GUCY2F: variants seen among roughly 807,000 people sequenced by gnomAD.
The protein encoded by GUCY2F is retinal guanylyl cyclase 2.
GUCY2F carries 61 observed loss-of-function variants against 73.1 expected under a neutral mutation model. The observed-to-expected ratio is 0.83, with a 90% confidence interval of 0.68 to 1.03. The LOEUF is 1.03. Ranked by LOEUF, GUCY2F falls within the 50% of genes least tolerant of loss-of-function variation. The pLI is 0.00. For synonymous variants in GUCY2F, 331 were observed against 307.8 expected (o/e 1.08, Z -0.79); for missense variants, 912 against 854.3 (o/e 1.07, Z -0.84).
intron 8 of GUCY2F, among the ~76,000 whole-genome samples, chrX:109,417,595 A>G (rs1014488788): frequency 2.7e-5 from 3 of 111,480 alleles, no homozygotes; most frequent in African/African-American, 6.5e-5. Flanking sequence ...GACATAGATG[A>G]GTCAAATAGA....
At chrX:109,397,881 C>G (rs1392570378) in intron 11 of GUCY2F, among the ~76,000 whole-genome samples, 2 of 109,289 alleles carry the variant, frequency 1.8e-5, no homozygotes, top group Non-Finnish European at 3.8e-5. Context: ...ACATTATGCC[C>G]TTCTTAGTGT....
At chrX:109,393,928 A>T (rs1930636231) in intron 12 of GUCY2F, among the ~76,000 whole-genome samples, 1 of 112,100 alleles carries the variant, frequency 8.9e-6, no homozygotes. Context: ...TGGGCCACAC[A>T]TGCTCCACCT....
At chrX:109,479,959 A>G (rs1468304922) in intron 1 of GUCY2F, among the ~76,000 whole-genome samples, 1 of 111,955 alleles carries the variant, frequency 8.9e-6, no homozygotes, top group Non-Finnish European at 1.9e-5. Context: ...CAGGAGGGAG[A>G]AAACCAAGTT....
At chrX:109,465,052 C>T in intron 3 of GUCY2F, 90 bp downstream of exon 3, 1 of 653,252 alleles carries the variant, frequency 1.5e-6, no homozygotes, top group Non-Finnish European at 2.4e-6. Flanking sequence ...ACTGGGCCTC[C>T]TATGGAATTG....
chrX:109,453,680 T>C lies in GUCY2F; in HGVS notation c.1212A>G (p.Ser404=). The C allele has an allele frequency of 8.3e-7, 1 of 1,206,312 alleles. No individual in the cohort carries two copies. The highest frequency in any genetic ancestry group is 1.1e-6 in the Non-Finnish European group (1 of 890,526). The part of the protein sequence containing the change: ...MRTDSNGNGI[S]EYVILDTNLK... Reference sequence around the variant, plus strand: ...AGTTGGTGTCCAGGATTACATATTCTGAAATTCCATTTCCATTTGAATCTG... The same window carrying C: ...AGTTGGTGTCCAGGATTACATATTCCGAAATTCCATTTCCATTTGAATCTG... The change falls in exon 4 of 20, where the codon TCA becomes TCG. Residue 404 remains serine (S), a synonymous_variant. Coordinates refer to ENST00000218006, the MANE Select transcript of GUCY2F (RefSeq NM_001522.3).
intron 8 of GUCY2F, among the ~76,000 whole-genome samples, chrX:109,425,335 TTGTGTG>T (rs755304809): frequency 9.1e-4 from 89 of 98,198 alleles, no homozygotes; most frequent in Middle Eastern, 5.2e-3. Flanking sequence ...AAAGAAATTG[TTGTGTG>T]TGTGTGTGTG....
intron 2 of GUCY2F, among the ~76,000 whole-genome samples, chrX:109,468,223 C>A (rs1932508736): frequency 1.8e-5 from 2 of 112,282 alleles, no homozygotes; most frequent in Non-Finnish European, 3.8e-5. Context: ...CCCCACCTTA[C>A]CCTGAGATAA....
At chrX:109,431,582 T>C (rs189050606) in intron 7 of GUCY2F, among the ~76,000 whole-genome samples, 9 of 108,993 alleles carry the variant, frequency 8.3e-5, no homozygotes, top group African/African-American at 1.3e-4. Context: ...GCCTGTAGTC[T>C]CAGCTACTCA....
rs1170596477 is a variant in GUCY2F, at chrX:109,475,547, G to C, written c.390C>G (p.Gly130=). 8.3e-7 allele frequency: 1 copy of C among 1,209,169 alleles called. No homozygotes were observed. The highest frequency in any genetic ancestry group is 1.1e-6 in the Non-Finnish European group (1 of 894,468). The change falls in exon 2 of 20, where the codon GGC becomes GGG. Residue 130 remains glycine (G), a synonymous_variant. Coordinates refer to ENST00000218006, the MANE Select transcript of GUCY2F (RefSeq NM_001522.3). ...ASGFIGPTNP[G]YCEAASLLGN... is the part of the protein sequence containing the mutation. ...CCAGGAGCGAGGCTGCCTCGCAGTA[G>C]CCAGGGTTGGTAGGTCCAATAAATC...
chrX:109,469,609 A>G (rs921624825), intron 2 of GUCY2F, among the ~76,000 whole-genome samples: 4 of 110,634 alleles, frequency 3.6e-5, no homozygotes, highest in African/African-American at 9.9e-5. Flanking sequence ...TGCCACTGTC[A>G]TTCATTTGAA....
chrX:109,409,031 G>T lies in GUCY2F; in HGVS notation c.1929C>A (p.Asp643Glu). ...DILTNQDVKL[D>E]WMFKSSLLLD... Reference sequence around the variant, plus strand: ...GCAAGAGTGATGATTTAAACATCCAGTCAAGTTTCACATCTTGATTTGTCA... The same window carrying T: ...GCAAGAGTGATGATTTAAACATCCATTCAAGTTTCACATCTTGATTTGTCA... Residue 643 changes from aspartate (D) to glutamate (E), a missense_variant, in exon 9 of 20, where the codon GAC (aspartate) becomes GAA (glutamate). Asp to Glu is a conservative substitution (Grantham distance 45, BLOSUM62 2). Transcript: ENST00000218006. The T allele has an allele frequency of 8.7e-7, 1 of 1,148,188 alleles. No individual in the cohort carries two copies. Among genetic ancestry groups the T allele is most frequent in the Non-Finnish European group, 1.2e-6 (1 of 837,553 alleles). 94.6% of individuals were successfully genotyped at this position (1,148,188 alleles called of 1,213,427 possible).
chrX:109,470,862 A>T (rs1277669589), intron 2 of GUCY2F, among the ~76,000 whole-genome samples: 1 of 111,693 alleles, frequency 9.0e-6, no homozygotes, highest in East Asian at 2.8e-4. Flanking sequence ...GTTGTATGAC[A>T]TTGGGTAAGT....
At position 109,465,459 on chromosome X, in the gene GUCY2F, C is replaced by A. The variant is rs774044667; in HGVS notation, c.731-16G>T. ...ATGATGATTACTGAAACCAACAAAG[C>A]AAGGAGGTTATGGAAGCAAACTGTT... On this transcript the variant is annotated splice_polypyrimidine_tract_variant and intron_variant, in intron 2 of 19. Coordinates refer to ENST00000218006, the MANE Select transcript of GUCY2F (RefSeq NM_001522.3). The A allele has an allele frequency of 1.7e-6, 2 of 1,157,448 alleles. No individual in the cohort carries two copies. The highest frequency in any genetic ancestry group is 3.0e-5 in the East Asian group (1 of 33,540).
chrX:109,385,139 T>C (rs377648564), intron 16 of GUCY2F, 45 bp downstream of exon 16: 36 of 630,555 alleles, frequency 5.7e-5, no homozygotes, highest in Non-Finnish European at 9.3e-5. Context: ...ACCTTCTCAA[T>C]AGCAGAGTGG....
chrX:109,444,778 T>C lies in GUCY2F; in HGVS notation c.1569+3291A>G, dbSNP rs774708862. ...ACAAAACGCAACTACTACTGAGTTA[T>C]AGCCGATTGTCATGATGAGATCCAA... On this transcript the variant is annotated intron_variant, in intron 6 of 19. Transcript: ENST00000218006. Among the ~76,000 whole-genome samples, 7 of 112,208 alleles carry C rather than the reference T, an allele frequency of 6.2e-5. No homozygotes were observed. The South Asian group carries it at 2.6e-3, about 42-fold the overall frequency.
At chrX:109,471,892 T>C (rs1206188067) in intron 2 of GUCY2F, among the ~76,000 whole-genome samples, 1 of 112,058 alleles carries the variant, frequency 8.9e-6, no homozygotes, top group Non-Finnish European at 1.9e-5. Flanking sequence ...CCTTGTAAAA[T>C]GTAGAGAGCT....
intron 16 of GUCY2F, among the ~76,000 whole-genome samples, chrX:109,384,210 T>C (rs919941683): frequency 8.9e-6 from 1 of 112,267 alleles, no homozygotes; most frequent in African/African-American, 3.2e-5. Context: ...CCCACTGTGA[T>C]ACAGTCCACC....
Position 109,465,428 on chromosome X carries a change from A to G in GUCY2F, c.746T>C (p.Met249Thr). 1 of 1,195,427 alleles carries G rather than the reference A, an allele frequency of 8.4e-7. No individual in the cohort carries two copies. Among genetic ancestry groups the G allele is most frequent in the Non-Finnish European group, 1.1e-6 (1 of 883,252 alleles). ...ADRIRIIIMC[M>T]HSALIGGETQ... Reference sequence around the variant, plus strand: ...CTCTCCCCCAATCAAAGCTGAATGCATACACATGATGATTACTGAAACCAA... The same window carrying G: ...CTCTCCCCCAATCAAAGCTGAATGCGTACACATGATGATTACTGAAACCAA... Residue 249 changes from methionine to threonine, a missense_variant, in exon 3 of 20, where the codon ATG becomes ACG. By Grantham distance (81) the Met-to-Thr change is moderately conservative. Transcript: ENST00000218006.
Position 109,445,564 on chromosome X carries a change from C to T in GUCY2F, c.1569+2505G>A, listed in dbSNP as rs146939432. Among the ~76,000 whole-genome samples the T allele has an allele frequency of 9.2e-3, 1,032 of 111,723 alleles. 14 individuals carry two copies. The highest frequency in any genetic ancestry group is 0.032 in the African/African-American group (973 of 30,709). On this transcript the variant is annotated intron_variant, in intron 6 of 19. Coordinates refer to ENST00000218006, the MANE Select transcript of GUCY2F (RefSeq NM_001522.3). ...AAACAGGTATCCCAGGGATGAAGCC[C>T]ACTTGATCATGGTGGATAAGCTTTT...
Sources: gnomAD v4.1 joint callset for allele counts (sites outside exome capture counted in the v4.1 genomes callset) on GRCh38, gnomAD v4.1.1 for gene constraint, MANE v1.5 for transcripts, NCBI Gene and HGNC (gene_info 2026-07-23, HGNC 2026-07-21) for gene names.